The following DSPP variants were observed in gnomAD, a reference collection of about 807,000 sequenced individuals.
The protein encoded by DSPP is deafness, autosomal dominant 39.
DSPP carries 28 observed loss-of-function variants against 29.1 expected under a neutral mutation model. The observed-to-expected ratio is 0.96, with a 90% confidence interval of 0.71 to 1.32. The LOEUF (loss-of-function observed/expected upper bound fraction) is 1.32, where lower values mean the gene tolerates loss of function less well. Among genes scored for constraint, DSPP ranks in the 40% most tolerant of loss-of-function variants. The pLI is 0.00. For missense variants in DSPP, 1,281 were observed against 1,629.9 expected, an observed-to-expected ratio of 0.79 and a Z score of 3.69; for synonymous variants, 481 against 503.4, an observed-to-expected ratio of 0.96 and a Z score of 0.60.
intron 2 of DSPP, 51 bp from the exon 3 acceptor site, chr4:87,612,054 C>A: frequency 1.3e-6 from 2 of 1,534,598 alleles, no homozygotes; most frequent in Non-Finnish European, 1.8e-6. Flanking sequence ...CGCTCACACA[C>A]ATATTCACAA....
Position 87,609,309 on chromosome 4 carries a change from C to T in DSPP, c.-29+689C>T, listed in dbSNP as rs570442515. Among the ~76,000 whole-genome samples the T allele has an allele frequency of 4.5e-4, 69 of 152,274 alleles. 1 individual carries two copies. The highest frequency in any genetic ancestry group is 1.1e-3 in the African/African-American group (47 of 41,554). ...TGAACTGTAGCTCAGAAACTGGACA[C>T]GCATCACTCTGGCCTTGGCTGCAGG... On this transcript the variant is annotated intron_variant, in intron 1 of 4. Coordinates refer to ENST00000651931, the MANE Select transcript of DSPP (RefSeq NM_014208.3).
At chr4:87,613,438 G>A in intron 4 of DSPP, 130 bp downstream of exon 4, 4 of 1,173,302 alleles carry the variant, frequency 3.4e-6, no homozygotes, top group Non-Finnish European at 5.0e-6. Context: ...GACTATTTAA[G>A]GAAATCTAGA....
Position 87,616,330 on chromosome 4 carries a change from G to C in DSPP, c.3668G>C (p.Ser1223Thr), listed in dbSNP as rs1473541224. The change falls in exon 5 of 5, where the codon AGT (serine) becomes ACT (threonine). Residue 1223 changes from serine to threonine, a missense_variant. By Grantham distance (58) the Ser-to-Thr change is moderately conservative. Coordinates refer to ENST00000651931, the MANE Select transcript of DSPP (RefSeq NM_014208.3). ...GACAGCAGTGACAGCAGCGACAGCA[G>C]TGACAGCAGCGACAGCAGTGACAGC... Reference protein sequence around the residue: ...SSDSSDSSDSSDSSDSSDSNE... With the variant: ...SSDSSDSSDSTDSSDSSDSNE... 2.0e-6 allele frequency: 3 copies of C among 1,506,314 alleles called. No individual in the cohort carries two copies. Among genetic ancestry groups the C allele is most frequent in the Admixed American group, 4.2e-5 (2 of 48,142 alleles). 93.3% of individuals were successfully genotyped at this position (1,506,314 alleles called of 1,614,324 possible). A position where few individuals can be genotyped will look rare whatever the true frequency, so the allele number is the denominator to read the frequency against.
rs1560479490 is a variant in DSPP, at chr4:87,615,390, A to C, written c.2728A>C (p.Asn910His). The C allele has an allele frequency of 6.5e-7, 1 of 1,532,968 alleles. No individual in the cohort carries two copies. Among genetic ancestry groups the C allele is most frequent in the Non-Finnish European group, 8.8e-7 (1 of 1,136,664 alleles). 95.0% of individuals were successfully genotyped at this position (1,532,968 alleles called of 1,614,324 possible). ...SSDSDSSDSS[N>H]SSDSSDSSNS... Reference sequence around the variant, plus strand: ...TGATAGTGACAGCAGTGATAGCAGCAACAGCAGTGACAGCAGTGATAGCAG... The same window carrying C: ...TGATAGTGACAGCAGTGATAGCAGCCACAGCAGTGACAGCAGTGATAGCAG... Residue 910 changes from asparagine to histidine, a missense_variant, in exon 5 of 5, where the codon AAC (asparagine) becomes CAC (histidine). Physicochemically the swap from Asn to His is moderately conservative, Grantham distance 68. Around this residue, in one of 4 missense-constraint regions of DSPP, gnomAD observed 444 missense variants for 611.4 expected, o/e 0.73. Transcript: ENST00000651931.
chr4:87,610,980 A>G (rs764232485), intron 2 of DSPP, 21 bp downstream of exon 2: 1 of 1,609,986 alleles, frequency 6.2e-7, no homozygotes, highest in East Asian at 2.2e-5. Flanking sequence ...CTTTCTTAGA[A>G]AACCTCTTCA....
rs1259858020 is a variant in DSPP, at chr4:87,616,644, G to A, written c.*76G>A. ...ATAGGAAAAAAAGATTTCCAAGAAA[G>A]TAAAGAAAGGGGAGAAATAAACATA... On this transcript the variant is annotated 3_prime_UTR_variant, in exon 5 of 5. Coordinates refer to ENST00000651931, the MANE Select transcript of DSPP (RefSeq NM_014208.3). 1.2e-5 allele frequency: 18 copies of A among 1,533,636 alleles called. No homozygotes were observed. Among genetic ancestry groups the A allele is most frequent in the Non-Finnish European group, 1.6e-5 (18 of 1,136,090 alleles).
At position 87,612,589 on chromosome 4, in the gene DSPP, G is replaced by A. The variant is rs1727757942; in HGVS notation, c.403G>A (p.Gly135Ser). The stretch of plus-strand genomic sequence containing the variant: ...GAAAGAAGAAAACATCACAGCAAAT[G>A]GCATCCAGGGACAAGTAAGCATCAT... ...HGKEENITAN[G>S]IQGQVSIIDN... Residue 135 changes from glycine (G) to serine (S), a missense_variant, in exon 4 of 5, where the codon GGC becomes AGC. This residue lies in a region of DSPP where 631 missense variants were observed against 643.2 expected (regional missense o/e 0.98). Coordinates refer to ENST00000651931, the MANE Select transcript of DSPP (RefSeq NM_014208.3). The A allele has an allele frequency of 3.7e-6, 6 of 1,614,076 alleles. No homozygotes were observed. Among genetic ancestry groups the A allele is most frequent in the Admixed American group, 1.7e-5 (1 of 60,016 alleles).
At chr4:87,613,351 C>G in intron 4 of DSPP, 43 bp downstream of exon 4, 1 of 1,601,666 alleles carries the variant, frequency 6.2e-7, no homozygotes, top group African/African-American at 1.3e-5. Context: ...AGTTTAAATT[C>G]TTCCCCTCCA....
intron 1 of DSPP, 55 bp from the exon 2 acceptor site, chr4:87,610,826 C>T: frequency 1.7e-5 from 20 of 1,188,690 alleles, no homozygotes; most frequent in Middle Eastern, 2.0e-4. Flanking sequence ...TAATATAGTA[C>T]TATGATTTTC....
In DSPP at chr4:87,613,211, A is replaced by G; in HGVS notation, c.1025A>G (p.Glu342Gly). The stretch of plus-strand genomic sequence containing the variant: ...GAAGACAATGGCAGCCAAAGAATAG[A>G]GGACACCCAGAAGCTCAACCATAGA... ...IPEDNGSQRIEDTQKLNHRES... is the reference protein window; with the variant it reads ...IPEDNGSQRIGDTQKLNHRES... The change falls in exon 4 of 5, where the codon GAG becomes GGG. Residue 342 changes from glutamate (E) to glycine (G), a missense_variant. Around this residue, in one of 4 missense-constraint regions of DSPP, gnomAD observed 631 missense variants for 643.2 expected, o/e 0.98. Coordinates refer to ENST00000651931, the MANE Select transcript of DSPP (RefSeq NM_014208.3). 6.2e-7 allele frequency: 1 copy of G among 1,614,116 alleles called. No homozygotes were observed. Among genetic ancestry groups the G allele is most frequent in the Non-Finnish European group, 8.5e-7 (1 of 1,180,026 alleles).
Position 87,614,816 on chromosome 4 carries a change from CAGTAAT to C in DSPP, c.2160_2165del (p.Asn722_Ser723del). ...GTGACAGCAGTGATAGTAGTGACAG[CAGTAAT>C]AGTAACAGCAGCGATAGTGACAGCA... On this transcript the variant is annotated inframe_deletion, in exon 5 of 5. Coordinates refer to ENST00000651931, the MANE Select transcript of DSPP (RefSeq NM_014208.3). 6.4e-7 allele frequency: 1 copy of C among 1,551,210 alleles called. No homozygotes were observed. Among genetic ancestry groups the C allele is most frequent in the Non-Finnish European group, 8.7e-7 (1 of 1,146,870 alleles).
rs768877291 is a variant in DSPP at position 87,613,284 on chromosome 4, T to C, written c.1098T>C (p.His366=). The change falls in exon 4 of 5, where the codon CAT becomes CAC. Residue 366 remains histidine, a synonymous_variant. Transcript: ENST00000651931. ...GAATCACCAAAGAATCAGAGACACA[T>C]GCTGTTGGGAAGAGCCAAGATAAGG... is the stretch of plus-strand genomic sequence containing the variant. ...ENRITKESET[H]AVGKSQDKGI... is the part of the protein sequence containing the mutation. 6.2e-7 allele frequency: 1 copy of C among 1,613,472 alleles called. No homozygotes were observed. Among genetic ancestry groups the C allele is most frequent in the Non-Finnish European group, 8.5e-7 (1 of 1,180,012 alleles).
rs111215813 is a variant in DSPP, at chr4:87,614,633, C to T, written c.1971C>T (p.Ser657=). Residue 657 remains serine (S), a synonymous_variant, in exon 5 of 5, where the codon AGC becomes AGT. Transcript: ENST00000651931. ...SSDSSDNSDS[S]DSSNSSNSSD... Reference sequence around the variant, plus strand: ...ACAGTAGTGACAACAGTGATAGCAGCGACAGCAGCAATAGCAGTAACAGCA... The same window carrying T: ...ACAGTAGTGACAACAGTGATAGCAGTGACAGCAGCAATAGCAGTAACAGCA... 0.22 allele frequency: 341,189 copies of T among 1,548,384 alleles called. 39,289 individuals carry two copies. Among genetic ancestry groups the T allele is most frequent in the Middle Eastern group, 0.29 (1,760 of 5,982 alleles).
At chr4:87,609,838 T>G (rs946618853) in intron 1 of DSPP, among the ~76,000 whole-genome samples, 1 of 152,192 alleles carries the variant, frequency 6.6e-6, no homozygotes, top group Non-Finnish European at 1.5e-5. Flanking sequence ...TAAATTAATT[T>G]TTTTACTCAC....
Position 87,614,941 on chromosome 4 carries a change from ACAG to A in DSPP, c.2285_2287del (p.Ser762del), listed in dbSNP as rs1225498519. ...AGCAGTGACAGTAGCGATAGCAGTG[ACAG>A]CAGCAACAGCAGTGACAGCAGTGAT... On this transcript the variant is annotated inframe_deletion, in exon 5 of 5. Transcript: ENST00000651931. 5.8e-6 allele frequency: 9 copies of A among 1,538,526 alleles called. No homozygotes were observed. In the Admixed American group the frequency reaches 1.8e-4, roughly 31 times the overall value.
intron 2 of DSPP, 70 bp downstream of exon 2, chr4:87,611,029 TAGTGTGTGTGTG>T (rs1560477118): frequency 2.9e-6 from 3 of 1,031,090 alleles, no homozygotes; most frequent in African/African-American, 4.9e-5. Context: ...ATACAAAATG[TAGTGTGTGTGTG>T]TGTGTGTGTG....
rs1435031604 is a variant in DSPP, at chr4:87,615,551, C to G, written c.2889C>G (p.Ser963Arg). The change falls in exon 5 of 5, where the codon AGC (serine) becomes AGG (arginine). Residue 963 changes from serine (S) to arginine (R), a missense_variant. Physicochemically the swap from Ser to Arg is moderately radical, Grantham distance 110. Coordinates refer to ENST00000651931, the MANE Select transcript of DSPP (RefSeq NM_014208.3). ...ACAGCAGCAATAGCAGTGACAGCAG[C>G]AACAGCAGTGACAGCAGTGATAGCA... ...SSDSSNSSDS[S>R]NSSDSSDSNS... 6.5e-7 allele frequency: 1 copy of G among 1,548,686 alleles called. No individual in the cohort carries two copies. The highest frequency in any genetic ancestry group is 8.7e-7 in the Non-Finnish European group (1 of 1,145,792).
rs754218635 is a variant in DSPP, at chr4:87,612,480, A to G, written c.294A>G (p.Thr98=). The G allele has an allele frequency of 5.0e-6, 8 of 1,614,072 alleles. No homozygotes were observed. The highest frequency in any genetic ancestry group is 6.8e-6 in the Non-Finnish European group (8 of 1,179,964). Reference sequence around the variant, plus strand: ...GGAAGAGTTTTTCTACATATTCCACATTAGCAAACGAAGAGGGGAATATTG... The same window carrying G: ...GGAAGAGTTTTTCTACATATTCCACGTTAGCAAACGAAGAGGGGAATATTG... The part of the protein sequence containing the change: ...VGGKSFSTYS[T]LANEEGNIEG... The change falls in exon 4 of 5, where the codon ACA becomes ACG. Residue 98 remains threonine (T), a synonymous_variant. Transcript: ENST00000651931.
chr4:87,613,264 A>T lies in DSPP; in HGVS notation c.1078A>T (p.Thr360Ser). ...AAGCAAACGCGTAGAAAATAGAATC[A>T]CCAAAGAATCAGAGACACATGCTGT... is the stretch of plus-strand genomic sequence containing the variant. ...RESKRVENRI[T>S]KESETHAVGK... The change falls in exon 4 of 5, where the codon ACC (threonine) becomes TCC (serine). Residue 360 changes from threonine to serine, a missense_variant. Thr to Ser is a moderately conservative substitution (Grantham distance 58, BLOSUM62 1). Transcript: ENST00000651931. 6.2e-7 allele frequency: 1 copy of T among 1,613,796 alleles called. No homozygotes were observed. The highest frequency in any genetic ancestry group is 8.5e-7 in the Non-Finnish European group (1 of 1,180,018).
Sources: gnomAD v4.1 joint callset for allele counts (sites outside exome capture counted in the v4.1 genomes callset) on GRCh38, gnomAD v4.1.1 for gene constraint, gnomAD v4.1.1 regional missense constraint, MANE v1.5 for transcripts, NCBI Gene and HGNC (gene_info 2026-07-23, HGNC 2026-07-21) for gene names.